Variants in PCDHA3 observed in about 807,000 individuals in gnomAD.
PCDHA3 encodes protocadherin alpha-3.
In PCDHA3, 41 loss-of-function variants were observed where a neutral mutation model predicts 62.2. The observed-to-expected ratio is 0.66, with a 90% CI of 0.51 to 0.86. The LOEUF is 0.86. Ranked by LOEUF, PCDHA3 falls within the 40% of genes least tolerant of loss-of-function variation. The pLI is 0.00. For missense variants in PCDHA3, 1,304 were observed against 1,241.2 expected, an observed-to-expected ratio of 1.05 and a Z score of -0.76; for synonymous variants, 640 against 555.4, an observed-to-expected ratio of 1.15 and a Z score of -2.14.
intron 1 of PCDHA3, among the ~76,000 whole-genome samples, chr5:140,888,841 C>T (rs2062001270): frequency 1.3e-5 from 2 of 151,998 alleles, no homozygotes; most frequent in Admixed American, 1.3e-4. Flanking sequence ...CCACTGCAGC[C>T]TGGTGACAGA....
intron 1 of PCDHA3, chr5:140,842,739 A>G: frequency 6.3e-7 from 1 of 1,595,048 alleles, no homozygotes; most frequent in South Asian, 1.1e-5. Context: ...CCGGGCTGCC[A>G]CATCTTCACG....
At chr5:140,808,049 A>G in intron 1 of PCDHA3, 1 of 1,613,994 alleles carries the variant, frequency 6.2e-7, no homozygotes, top group African/African-American at 1.3e-5. Context: ...TATTTCGCCA[A>G]ATGTGAAATC....
chr5:140,904,685 G>A (rs2071317723), intron 1 of PCDHA3, among the ~76,000 whole-genome samples: 1 of 152,104 alleles, frequency 6.6e-6, no homozygotes, highest in African/African-American at 2.4e-5. Context: ...CCCACCAGCA[G>A]TGTAAAATTG....
chr5:140,813,354 T>C (rs2126645911), intron 1 of PCDHA3: 1 of 152,328 alleles, frequency 6.6e-6, no homozygotes, highest in Non-Finnish European at 1.5e-5. Flanking sequence ...CTAGATAGTA[T>C]AGCCTACTAC....
chr5:140,886,401 A>G (rs2060965059), intron 1 of PCDHA3, among the ~76,000 whole-genome samples: 1 of 152,174 alleles, frequency 6.6e-6, no homozygotes, highest in African/African-American at 2.4e-5. Flanking sequence ...TGCATCACAA[A>G]TATGTTTTCC....
chr5:140,952,058 T>A (rs889374877), intron 1 of PCDHA3, among the ~76,000 whole-genome samples: 7 of 151,978 alleles, frequency 4.6e-5, no homozygotes, highest in Non-Finnish European at 8.8e-5. Context: ...ATCTTAAAGC[T>A]CCAAATAATC....
rs1019135464 is a variant in PCDHA3, at chr5:140,897,033, A to G, written c.2395-81916A>G. On this transcript the variant is annotated intron_variant, in intron 1 of 3. Transcript: ENST00000522353. ...TATACAACTAAATTATTTAGACCAT[A>G]GTCACCCTATTCTGCTGTCAAATAC... Among the ~76,000 whole-genome samples, 4 of 152,124 alleles carry G rather than the reference A, an allele frequency of 2.6e-5. No homozygotes were observed. The East Asian group carries it at 7.7e-4, about 29-fold the overall frequency.
Position 140,848,043 on chromosome 5 carries a change from A to C in PCDHA3, c.2394+44452A>C, listed in dbSNP as rs115415885. On this transcript the variant is annotated intron_variant, in intron 1 of 3. Transcript: ENST00000522353. Reference sequence around the variant, plus strand: ...AAATTCGTGATTGCTCAATGGAATCATTTTAATTGTTACTTCATTTCTGTC... The same window carrying C: ...AAATTCGTGATTGCTCAATGGAATCCTTTTAATTGTTACTTCATTTCTGTC... 2.3e-3 allele frequency: 368 copies of C among 160,610 alleles called. 14 individuals carry two copies. Among genetic ancestry groups the C allele is most frequent in the African/African-American group, 8.0e-3 (330 of 41,090 alleles). 9.9% of individuals were successfully genotyped at this position (160,610 alleles called of 1,614,324 possible). A position where few individuals can be genotyped will look rare whatever the true frequency, so the allele number is the denominator to read the frequency against.
Position 140,877,726 on chromosome 5 carries a change from C to G in PCDHA3, c.2394+74135C>G, listed in dbSNP as rs781814794. On this transcript the variant is annotated intron_variant, in intron 1 of 3. Coordinates refer to ENST00000522353, the MANE Select transcript of PCDHA3 (RefSeq NM_018906.3). ...CGCCGTGGGGAGTTGGTCTTACTCGCAGCAGAGGAGGCAGAGGGTGTGCTC... is the reference window on the plus strand; with the variant it reads ...CGCCGTGGGGAGTTGGTCTTACTCGGAGCAGAGGAGGCAGAGGGTGTGCTC... 30 of 1,614,056 alleles carry G rather than the reference C, an allele frequency of 1.9e-5. No homozygotes were observed. In the African/African-American group the frequency reaches 3.7e-4, roughly 20 times the overall value.
intron 1 of PCDHA3, chr5:140,968,917 T>G: frequency 6.2e-7 from 1 of 1,614,216 alleles, no homozygotes; most frequent in Non-Finnish European, 8.5e-7. Flanking sequence ...CAGTGTCTTT[T>G]ATATTTCTTT....
rs555659207 is a variant in PCDHA3, at chr5:140,967,475, C to A, written c.2395-11474C>A. 2.5e-6 allele frequency: 4 copies of A among 1,613,342 alleles called. No homozygotes were observed. In the East Asian group the frequency reaches 8.9e-5, roughly 36 times the overall value. On this transcript the variant is annotated intron_variant, in intron 1 of 3. Coordinates refer to ENST00000522353, the MANE Select transcript of PCDHA3 (RefSeq NM_018906.3). ...AGCCGTGGATGGGGGCATCCCAGCC[C>A]GCTCGGGTACGGCACAGATCTCTGT...
intron 1 of PCDHA3, chr5:140,871,371 G>T: frequency 6.2e-7 from 1 of 1,614,202 alleles, no homozygotes; most frequent in Non-Finnish European, 8.5e-7. Context: ...GGCGGCAGAG[G>T]GTGTGCTCTG....
At chr5:140,921,078 C>A (rs2153559626) in intron 1 of PCDHA3, among the ~76,000 whole-genome samples, 1 of 151,870 alleles carries the variant, frequency 6.6e-6, no homozygotes, top group East Asian at 2.0e-4. Context: ...CTCTTGGGCT[C>A]AAGAGAATCC....
At chr5:140,951,543 CG>C (rs1201907714) in intron 1 of PCDHA3, among the ~76,000 whole-genome samples, 2 of 151,550 alleles carry the variant, frequency 1.3e-5, no homozygotes, top group Admixed American at 1.3e-4. Flanking sequence ...GAGCAAGGGA[CG>C]GGGGGAAGTG....
At chr5:140,968,017 C>T (rs782195997) in intron 1 of PCDHA3, 2 of 1,614,216 alleles carry the variant, frequency 1.2e-6, no homozygotes, top group East Asian at 2.2e-5. Context: ...GCTTTGGAAA[C>T]TCCTATACAC....
intron 1 of PCDHA3, among the ~76,000 whole-genome samples, chr5:140,872,003 A>C (rs1314439086): frequency 2.0e-5 from 3 of 152,202 alleles, no homozygotes; most frequent in Non-Finnish European, 2.9e-5. Context: ...GGCTATTTAC[A>C]GGTGACCTGT....
intron 1 of PCDHA3, among the ~76,000 whole-genome samples, chr5:140,954,191 G>C (rs201162017): frequency 2.0e-5 from 3 of 152,150 alleles, no homozygotes; most frequent in Non-Finnish European, 4.4e-5. Flanking sequence ...TCATTGATGG[G>C]CATTTGGGTT....
At chr5:140,875,654 C>G in intron 1 of PCDHA3, 2 of 1,613,702 alleles carry the variant, frequency 1.2e-6, no homozygotes, top group Non-Finnish European at 8.5e-7. Flanking sequence ...GAGCTGGTGC[C>G]GCGCCTGTTC....
chr5:140,882,261 AGTGTACCATGCT>A (rs1554173264), intron 1 of PCDHA3: 1 of 1,604,356 alleles, frequency 6.2e-7, no homozygotes, highest in Non-Finnish European at 8.5e-7. Flanking sequence ...AGGTTTTTGG[AGTGTACCATGCT>A]GTCTTCCTGG....
Sources: allele counts gnomAD v4.1 joint callset (sites outside exome capture counted in the v4.1 genomes callset), GRCh38; gene constraint gnomAD v4.1.1; transcripts MANE v1.5; gene names NCBI Gene and HGNC (gene_info 2026-07-23, HGNC 2026-07-21).